ME2: variants seen among roughly 807,000 people sequenced by gnomAD.
ME2 encodes NAD-dependent malic enzyme, mitochondrial.
ME2 carries 60 observed loss-of-function variants against 73.7 expected under a neutral mutation model. The observed-to-expected ratio is 0.81, with a 90% CI of 0.66 to 1.01. The LOEUF (loss-of-function observed/expected upper bound fraction) is 1.01. Among genes scored for constraint, ME2 ranks in the 50% least tolerant of loss-of-function variants. ME2 has a pLI of 0.00. For synonymous variants in ME2, 199 were observed against 236.9 expected, an observed-to-expected ratio of 0.84 and a Z score of 1.47; for missense variants, 594 against 705.5, an observed-to-expected ratio of 0.84 and a Z score of 1.79.
At chr18:50,945,253 G>A (rs553414911) in intron 15 of ME2, 1 of 152,380 alleles carries the variant, frequency 6.6e-6, no homozygotes, top group African/African-American at 2.4e-5. Context: ...GAGTAGCTGG[G>A]ATTACAGGTG....
chr18:50,898,842 C>G (rs1337158762), intron 2 of ME2, among the ~76,000 whole-genome samples: 2 of 151,826 alleles, frequency 1.3e-5, no homozygotes, highest in Non-Finnish European at 2.9e-5. Context: ...TTTGGCAAAC[C>G]CTTCAACTTC....
At chr18:50,905,601 C>G (rs902868199) in intron 2 of ME2, among the ~76,000 whole-genome samples, 3 of 152,204 alleles carry the variant, frequency 2.0e-5, no homozygotes, top group Non-Finnish European at 4.4e-5. Context: ...ACATCAAATA[C>G]ATTTAAGATA....
At position 50,924,203 on chromosome 18, in the gene ME2, A is replaced by T. The variant is rs1917493502; in HGVS notation, c.1162A>T (p.Thr388Ser). 1 of 1,602,894 alleles carries T rather than the reference A, an allele frequency of 6.2e-7. No homozygotes were observed. The highest frequency in any genetic ancestry group is 1.7e-5 in the Admixed American group (1 of 59,010). ...TGCAGTGAATATACTGAAGCCTTCA[A>T]CTATAATTGGTAGGTAAAGTTTTTC... ...EDAVNILKPSTIIGVAGAGRL... is the reference protein window; with the variant it reads ...EDAVNILKPSSIIGVAGAGRL... Residue 388 changes from threonine to serine, a missense_variant, in exon 11 of 16, where the codon ACT becomes TCT. Transcript: ENST00000321341.
chr18:50,931,372 AG>A, intron 12 of ME2, among the ~76,000 whole-genome samples: 1 of 152,234 alleles, frequency 6.6e-6, no homozygotes, highest in Non-Finnish European at 1.5e-5. Flanking sequence ...AAAAAAATCT[AG>A]ATTAAGATTT....
Position 50,908,111 on chromosome 18 carries a change from C to A in ME2, c.157C>A (p.Leu53Ile). 6.2e-7 allele frequency: 1 copy of A among 1,601,190 alleles called. No homozygotes were observed. Among genetic ancestry groups the A allele is most frequent in the Non-Finnish European group, 8.5e-7 (1 of 1,172,508 alleles). The change falls in exon 3 of 16, where the codon CTT (leucine) becomes ATT (isoleucine). Residue 53 changes from leucine (L) to isoleucine (I), a missense_variant. Transcript: ENST00000321341. ...QERQMLGLQG[L>I]LPPKIETQDI... Reference sequence around the variant, plus strand: ...ACGACAAATGCTTGGTCTTCAAGGACTTCTACCTCCCAAAATAGAGACACA... The same window carrying A: ...ACGACAAATGCTTGGTCTTCAAGGAATTCTACCTCCCAAAATAGAGACACA...
chr18:50,903,477 A>G (rs774565914), intron 2 of ME2, among the ~76,000 whole-genome samples: 1 of 151,646 alleles, frequency 6.6e-6, no homozygotes, highest in Non-Finnish European at 1.5e-5. Flanking sequence ...TTGAGACAGG[A>G]TCTTACTTTG....
Position 50,893,026 on chromosome 18 carries a change from G to A in ME2, c.-12-2783G>A, listed in dbSNP as rs140127328. 7.0e-3 allele frequency among the ~76,000 whole-genome samples: 1,058 copies of A among 151,328 alleles called. 10 individuals are homozygous for A. The highest frequency in any genetic ancestry group is 0.024 in the African/African-American group (989 of 41,118). The stretch of plus-strand genomic sequence containing the variant: ...TGTAATCCCAGCTACTCGGGAGGCT[G>A]GGGCAGGAGAATCACTTGAAACCGG... On this transcript the variant is annotated intron_variant, in intron 1 of 15. Coordinates refer to ENST00000321341, the MANE Select transcript of ME2 (RefSeq NM_002396.5).
intron 1 of ME2, among the ~76,000 whole-genome samples, chr18:50,885,108 A>G (rs1427937201): frequency 6.6e-6 from 1 of 151,562 alleles, no homozygotes; most frequent in Admixed American, 6.6e-5. Context: ...TGCCTGCCTC[A>G]GCCTCCCAAA....
chr18:50,879,792 G>C (rs1009171555), intron 1 of ME2, among the ~76,000 whole-genome samples: 7 of 152,320 alleles, frequency 4.6e-5, no homozygotes, highest in Middle Eastern at 6.8e-3. Context: ...GACTTGCTGC[G>C]GGCTGGAGAG....
At chr18:50,910,586 A>G (rs913544339) in intron 3 of ME2, among the ~76,000 whole-genome samples, 2 of 152,222 alleles carry the variant, frequency 1.3e-5, no homozygotes, top group African/African-American at 2.4e-5. Context: ...ATGAAATGTA[A>G]CACTGATTCA....
Position 50,895,836 on chromosome 18 carries a change from A to C in ME2, c.16A>C (p.Arg6=), listed in dbSNP as rs989697527. MLSRL[R]VVSTTCTLAC... ...GAAAGAAAAGATGTTGTCCCGGTTA[A>C]GAGTAGTTTCCACCACTTGTACTTT... The change falls in exon 2 of 16, where the codon AGA becomes CGA. Residue 6 remains arginine, a synonymous_variant. Transcript: ENST00000321341. 7 of 1,612,454 alleles carry C rather than the reference A, an allele frequency of 4.3e-6. No individual in the cohort carries two copies. In the African/African-American group the frequency reaches 9.3e-5, roughly 22 times the overall value.
chr18:50,910,414 G>C (rs926508957), intron 3 of ME2, among the ~76,000 whole-genome samples: 2 of 150,416 alleles, frequency 1.3e-5, no homozygotes, highest in Non-Finnish European at 3.0e-5. Context: ...ACTCCAGCCT[G>C]GGTGACAGAG....
At chr18:50,913,892 T>C (rs191020522) in intron 4 of ME2, among the ~76,000 whole-genome samples, 1,352 of 53,942 alleles carry the variant, frequency 0.025, 15 homozygotes, top group East Asian at 0.15. Context: ...CACACACACA[T>C]ATGCTGTTTT....
chr18:50,917,289 G>T, intron 5 of ME2, 58 bp from the exon 6 acceptor site: 1 of 1,359,186 alleles, frequency 7.4e-7, no homozygotes, highest in African/African-American at 1.4e-5. Context: ...TTTAAAAAAT[G>T]CTTTTCTTTA....
At chr18:50,881,203 G>C (rs1042581651) in intron 1 of ME2, among the ~76,000 whole-genome samples, 1 of 151,954 alleles carries the variant, frequency 6.6e-6, no homozygotes, top group African/African-American at 2.4e-5. Flanking sequence ...TAATTTGTGT[G>C]TGTGTGTATT....
chr18:50,892,820 G>A (rs971702633), intron 1 of ME2, among the ~76,000 whole-genome samples: 1 of 152,040 alleles, frequency 6.6e-6, no homozygotes, highest in African/African-American at 2.4e-5. Flanking sequence ...GAAGTGAAAA[G>A]TATAGCAAAA....
At chr18:50,940,430 T>A in intron 15 of ME2, 44 bp downstream of exon 15, 2 of 1,252,252 alleles carry the variant, frequency 1.6e-6, no homozygotes, top group Non-Finnish European at 2.3e-6. Context: ...TTAATGACAT[T>A]TTCTTATACA....
chr18:50,895,039 TA>T (rs1467123403), intron 1 of ME2, among the ~76,000 whole-genome samples: 2 of 152,044 alleles, frequency 1.3e-5, no homozygotes, highest in Non-Finnish European at 2.9e-5. Flanking sequence ...AAATCCATTT[TA>T]AAAAACTTCA....
At chr18:50,924,693 CTTGTTTT>C (rs1231546659) in intron 11 of ME2, among the ~76,000 whole-genome samples, 1 of 150,794 alleles carries the variant, frequency 6.6e-6, no homozygotes, top group African/African-American at 2.4e-5. Context: ...TTTTTGTTTT[CTTGTTTT>C]TTGTTTTTTT....
Sources: allele counts gnomAD v4.1 joint callset (sites outside exome capture counted in the v4.1 genomes callset), GRCh38; gene constraint gnomAD v4.1.1; transcripts MANE v1.5; gene names NCBI Gene and HGNC (gene_info 2026-07-23, HGNC 2026-07-21).